The following MICAL3 variants were observed in gnomAD, a reference collection of about 807,000 sequenced individuals.
MICAL3 encodes [F-actin]-monooxygenase MICAL3.
In MICAL3, 62 loss-of-function variants were observed where a neutral mutation model predicts 207.4. The ratio of observed to expected loss-of-function variants is 0.30; its 90% CI spans 0.24 to 0.37. MICAL3 has a LOEUF of 0.37. Ranked by LOEUF, MICAL3 falls within the 10% of genes least tolerant of loss-of-function variation. MICAL3 has a pLI of 1.00. For synonymous variants in MICAL3, 1,077 were observed against 1,069.3 expected, an observed-to-expected ratio of 1.01 and a Z score of -0.14; for missense variants, 2,368 against 2,635.6, an observed-to-expected ratio of 0.90 and a Z score of 2.22.
At chr22:17,845,298 G>A (rs1924511842) in intron 19 of MICAL3, among the ~76,000 whole-genome samples, 1 of 152,194 alleles carries the variant, frequency 6.6e-6, no homozygotes, top group African/African-American at 2.4e-5. Flanking sequence ...ACTTGGGAAG[G>A]AAAACATCCA....
At position 17,876,092 on chromosome 22, in the gene MICAL3, GC is replaced by G. The variant is rs201701885; in HGVS notation, c.2242-4070del. 7.0e-3 allele frequency among the ~76,000 whole-genome samples: 1,069 copies of G among 152,254 alleles called. 12 individuals carry two copies. Among genetic ancestry groups the G allele is most frequent in the African/African-American group, 0.024 (1,007 of 41,544 alleles). On this transcript the variant is annotated intron_variant, in intron 16 of 31. Coordinates refer to ENST00000441493, the MANE Select transcript of MICAL3 (RefSeq NM_015241.3). The stretch of plus-strand genomic sequence containing the variant: ...TTCCTTCCACTTAGTGCTCAGAGAG[GC>G]TCTGCTTGCCAAAGAGCCAGCTGAA...
chr22:17,953,357 T>C (rs1192928675), intron 1 of MICAL3, among the ~76,000 whole-genome samples: 1 of 152,134 alleles, frequency 6.6e-6, no homozygotes. Context: ...CCTTTACTCC[T>C]TCCCACCTCT....
intron 19 of MICAL3, among the ~76,000 whole-genome samples, chr22:17,845,877 G>A (rs367873387): frequency 2.6e-5 from 4 of 152,200 alleles, no homozygotes; most frequent in East Asian, 3.8e-4. Context: ...CAGAGAATCT[G>A]GCATCTGGAA....
At chr22:17,906,455 G>T in intron 2 of MICAL3, 94 bp downstream of exon 2, 1 of 1,605,578 alleles carries the variant, frequency 6.2e-7, no homozygotes, top group Non-Finnish European at 8.5e-7. Flanking sequence ...AGACCTTGTA[G>T]ATCATATATG....
chr22:17,864,806 T>C (rs778056352), intron 19 of MICAL3, 93 bp downstream of exon 19: 3 of 1,613,716 alleles, frequency 1.9e-6, no homozygotes, highest in African/African-American at 1.3e-5. Context: ...AATGAAGAAA[T>C]GTTGCTTTGG....
At chr22:17,950,706 A>AGG in intron 1 of MICAL3, among the ~76,000 whole-genome samples, 1 of 152,296 alleles carries the variant, frequency 6.6e-6, no homozygotes, top group Non-Finnish European at 1.5e-5. Context: ...CTTACAGGAC[A>AGG]ACTCCCTTTG....
intron 1 of MICAL3, among the ~76,000 whole-genome samples, chr22:17,982,731 T>A (rs1292489360): frequency 2.7e-5 from 3 of 112,092 alleles, no homozygotes; most frequent in Admixed American, 8.9e-5. Flanking sequence ...TAACATAACA[T>A]AAAAATAAAA....
chr22:17,862,865 G>A, intron 19 of MICAL3: 3 of 985,476 alleles, frequency 3.0e-6, no homozygotes, highest in Non-Finnish European at 3.6e-6. Context: ...GGGGGACAGT[G>A]CCTGTCATTA....
chr22:17,849,084 T>A (rs777729155), intron 19 of MICAL3, among the ~76,000 whole-genome samples: 23 of 152,330 alleles, frequency 1.5e-4, no homozygotes, highest in Middle Eastern at 3.4e-3. Flanking sequence ...CAAGATCACA[T>A]GATATGAGGT....
intron 19 of MICAL3, among the ~76,000 whole-genome samples, chr22:17,846,887 C>A (rs953589288): frequency 6.6e-6 from 1 of 152,188 alleles, no homozygotes; most frequent in Admixed American, 6.5e-5. Flanking sequence ...TGGGCCATAT[C>A]CTAAATAGGA....
At chr22:17,894,943 C>T (rs530953256) in intron 10 of MICAL3, among the ~76,000 whole-genome samples, 9 of 152,258 alleles carry the variant, frequency 5.9e-5, no homozygotes, top group Admixed American at 2.6e-4. Flanking sequence ...GTAAGTCACA[C>T]GTGACCGGCA....
intron 1 of MICAL3, among the ~76,000 whole-genome samples, chr22:17,976,531 A>ATGTGTGTGTGTG (rs1239655452): frequency 8.7e-5 from 10 of 114,682 alleles, no homozygotes; most frequent in African/African-American, 3.9e-4. Context: ...ATATGTGTAT[A>ATGTGTGTGTGTG]TATATGTGTG....
intron 19 of MICAL3, chr22:17,861,952 A>G: frequency 1.0e-6 from 1 of 985,444 alleles, no homozygotes; most frequent in Non-Finnish European, 1.2e-6. Flanking sequence ...TTTTGGCAAC[A>G]GCAAGAATTT....
chr22:17,988,487 C>G (rs969506935), intron 1 of MICAL3, among the ~76,000 whole-genome samples: 7 of 152,236 alleles, frequency 4.6e-5, no homozygotes, highest in African/African-American at 1.7e-4. Flanking sequence ...CGGAGTCTCA[C>G]TCTGTCGCCC....
At chr22:17,937,503 A>G (rs545795406) in intron 1 of MICAL3, among the ~76,000 whole-genome samples, 1 of 152,288 alleles carries the variant, frequency 6.6e-6, no homozygotes, top group African/African-American at 2.4e-5. Flanking sequence ...GTCTCTACTA[A>G]AAATACAAAA....
intron 19 of MICAL3, among the ~76,000 whole-genome samples, chr22:17,847,079 C>T (rs1924708395): frequency 6.6e-6 from 1 of 152,212 alleles, no homozygotes; most frequent in East Asian, 1.9e-4. Flanking sequence ...TCGGCGGGTG[C>T]AGAGGATACT....
intron 1 of MICAL3, among the ~76,000 whole-genome samples, chr22:17,935,479 G>A (rs1167325496): frequency 6.6e-6 from 1 of 152,210 alleles, no homozygotes; most frequent in Non-Finnish European, 1.5e-5. Context: ...AAAAATCCTA[G>A]AAGAAAACCT....
rs868546521 is a variant in MICAL3 at position 17,817,425 on chromosome 22, C to T, written c.5236G>A (p.Gly1746Arg). The T allele has an allele frequency of 1.2e-5, 19 of 1,613,606 alleles. No individual in the cohort carries two copies. The highest frequency in any genetic ancestry group is 2.7e-5 in the African/African-American group (2 of 75,042). ...TTCTTCTTCTTGTCCTTCTTGTACC[C>T]GGAGAAGACGGACTTCCACAGGGAC... ...PKSLWKSVFSGYKKDKKKKAD... is the reference protein window; with the variant it reads ...PKSLWKSVFSRYKKDKKKKAD... The change falls in exon 26 of 32, where the codon GGG (glycine) becomes AGG (arginine). Residue 1746 changes from glycine (G) to arginine (R), a missense_variant. Coordinates refer to ENST00000441493, the MANE Select transcript of MICAL3 (RefSeq NM_015241.3).
intron 16 of MICAL3, chr22:17,881,218 T>C (rs771493406): frequency 1.2e-6 from 2 of 1,612,640 alleles, no homozygotes; most frequent in Non-Finnish European, 1.7e-6. Context: ...CTGGCCGCCA[T>C]GTGCCCGACA....
Sources: allele counts gnomAD v4.1 joint callset (sites outside exome capture counted in the v4.1 genomes callset), GRCh38; gene constraint gnomAD v4.1.1; transcripts MANE v1.5; gene names NCBI Gene and HGNC (gene_info 2026-07-23, HGNC 2026-07-21).